Variants in TFEC observed in about 807,000 individuals in gnomAD.
The protein encoded by TFEC is transcription factor EC.
A neutral mutation model predicts 41.6 loss-of-function variants in TFEC; 31 were observed. That is an observed-to-expected ratio of 0.74 (90% CI 0.56 to 1.01). TFEC has a LOEUF of 1.01. TFEC is among the 50% of genes least tolerant of loss of function. TFEC has a pLI of 0.00. For synonymous variants in TFEC, 143 were observed against 140.6 expected (o/e 1.02, Z -0.12); for missense variants, 402 against 404.1 (o/e 0.99, Z 0.04).
At chr7:115,969,435 G>T (rs1044250574) in intron 3 of TFEC, among the ~76,000 whole-genome samples, 1 of 151,848 alleles carries the variant, frequency 6.6e-6, no homozygotes, top group African/African-American at 2.4e-5. Context: ...AGCTGACATT[G>T]ACTAAAGATC....
chr7:116,039,886 G>A (rs544852595), intron 3 of TFEC, among the ~76,000 whole-genome samples: 8 of 152,028 alleles, frequency 5.3e-5, no homozygotes, highest in African/African-American at 1.9e-4. Context: ...TATAATTTTT[G>A]GTTGATATTT....
intron 6 of TFEC, among the ~76,000 whole-genome samples, chr7:115,943,044 A>G (rs1793585134): frequency 6.6e-6 from 1 of 152,062 alleles, no homozygotes; most frequent in South Asian, 2.1e-4. Context: ...TGCCATTAGC[A>G]GTAAAATATT....
chr7:115,989,378 G>A lies in TFEC; in HGVS notation c.-72-4865C>T, dbSNP rs562264841. Among the ~76,000 whole-genome samples, 28 of 152,280 alleles carry A rather than the reference G, an allele frequency of 1.8e-4. 1 individual carries two copies. The highest frequency in any genetic ancestry group is 1.7e-3 in the South Asian group (8 of 4,828). ...TCTGCATTTCCAACTGAGGTACCAC[G>A]TTCATCTCACTGGGGCTTGTCAGAC... On this transcript the variant is annotated intron_variant, in intron 1 of 7. Coordinates refer to ENST00000265440, the MANE Select transcript of TFEC (RefSeq NM_012252.4).
chr7:116,063,501 C>T (rs1796619021), intron 3 of TFEC, among the ~76,000 whole-genome samples: 1 of 152,090 alleles, frequency 6.6e-6, no homozygotes, highest in Admixed American at 6.6e-5. Flanking sequence ...TGCCTGTAGT[C>T]CCAGCTACTC....
intron 1 of TFEC, among the ~76,000 whole-genome samples, chr7:115,988,840 A>T (rs191080114): frequency 2.1e-4 from 32 of 152,198 alleles, no homozygotes; most frequent in Non-Finnish European, 3.7e-4. Context: ...AAAGAAAAAA[A>T]CTCTGGAAAA....
intron 1 of TFEC, among the ~76,000 whole-genome samples, chr7:115,994,391 A>G (rs1425719487): frequency 6.6e-6 from 1 of 152,256 alleles, no homozygotes; most frequent in Non-Finnish European, 1.5e-5. Flanking sequence ...CCGCACAGCA[A>G]TGGAAACTAC....
chr7:116,079,502 G>A (rs866626351), intron 3 of TFEC, among the ~76,000 whole-genome samples: 3 of 152,008 alleles, frequency 2.0e-5, no homozygotes, highest in Non-Finnish European at 4.4e-5. Context: ...CAAAACTCAT[G>A]TACACAAATC....
intron 3 of TFEC, among the ~76,000 whole-genome samples, chr7:115,967,238 CTATGA>C (rs553035737): frequency 8.2e-4 from 124 of 151,506 alleles, no homozygotes; most frequent in Non-Finnish European, 1.5e-3. Context: ...TGTCTGTGCA[CTATGA>C]TATATTTAAT....
intron 3 of TFEC, among the ~76,000 whole-genome samples, chr7:116,044,279 A>G (rs1274011061): frequency 6.6e-6 from 1 of 152,198 alleles, no homozygotes; most frequent in Non-Finnish European, 1.5e-5. Context: ...CTACCAGGCA[A>G]GCTAATAATG....
At chr7:116,154,254 G>A (rs1452948040) in intron 1 of TFEC, among the ~76,000 whole-genome samples, 1 of 152,106 alleles carries the variant, frequency 6.6e-6, no homozygotes, top group Non-Finnish European at 1.5e-5. Context: ...CAGGCTTAGA[G>A]AAAAAAGAAT....
chr7:116,128,875 T>C (rs1348175891), intron 1 of TFEC, among the ~76,000 whole-genome samples: 7 of 151,966 alleles, frequency 4.6e-5, no homozygotes, highest in African/African-American at 1.5e-4. Flanking sequence ...TTTTAGAAAG[T>C]CTAGAGGTAG....
At chr7:116,071,256 A>C (rs1796820854) in intron 3 of TFEC, among the ~76,000 whole-genome samples, 1 of 151,090 alleles carries the variant, frequency 6.6e-6, no homozygotes, top group African/African-American at 2.4e-5. Flanking sequence ...ACTTAAGCTT[A>C]CCCCAACAGC....
At chr7:116,053,620 T>C (rs1395734907) in intron 3 of TFEC, among the ~76,000 whole-genome samples, 1 of 152,192 alleles carries the variant, frequency 6.6e-6, no homozygotes, top group African/African-American at 2.4e-5. Context: ...ATGTTATTAA[T>C]GGGTTATCAT....
intron 1 of TFEC, among the ~76,000 whole-genome samples, chr7:115,991,995 T>TAACA (rs1794139455): frequency 6.6e-6 from 1 of 152,064 alleles, no homozygotes; most frequent in African/African-American, 2.4e-5. Flanking sequence ...ACAGAAAATA[T>TAACA]AACAAACTGT....
intron 1 of TFEC, among the ~76,000 whole-genome samples, chr7:116,118,992 T>C (rs1183216611): frequency 6.6e-6 from 1 of 151,976 alleles, no homozygotes; most frequent in African/African-American, 2.4e-5. Flanking sequence ...TATATGAGCA[T>C]AATTTAATAT....
At chr7:116,020,237 T>C (rs568511747) in intron 1 of TFEC, among the ~76,000 whole-genome samples, 11 of 152,274 alleles carry the variant, frequency 7.2e-5, no homozygotes, top group Non-Finnish European at 1.5e-4. Context: ...AAACAAAGCT[T>C]TTGCTTTCCA....
intron 1 of TFEC, among the ~76,000 whole-genome samples, chr7:116,029,963 G>A (rs1279156160): frequency 6.6e-6 from 1 of 151,978 alleles, no homozygotes; most frequent in Non-Finnish European, 1.5e-5. Context: ...CTACTTGGAA[G>A]GCTGAGGCAG....
intron 1 of TFEC, among the ~76,000 whole-genome samples, chr7:116,154,190 G>T (rs1417944834): frequency 6.6e-6 from 1 of 152,124 alleles, no homozygotes; most frequent in African/African-American, 2.4e-5. Context: ...CTCCCAAGTT[G>T]ATATATGTAC....
chr7:115,962,250 G>T (rs942895779), intron 3 of TFEC, among the ~76,000 whole-genome samples: 6 of 151,654 alleles, frequency 4.0e-5, no homozygotes, highest in African/African-American at 1.5e-4. Context: ...AAATAATATT[G>T]TAACATTGCA....
Sources: gnomAD v4.1 joint callset for allele counts (sites outside exome capture counted in the v4.1 genomes callset) on GRCh38, gnomAD v4.1.1 for gene constraint, MANE v1.5 for transcripts, NCBI Gene and HGNC (gene_info 2026-07-23, HGNC 2026-07-21) for gene names.